The following LMF1 variants were observed in gnomAD, a reference collection of about 807,000 sequenced individuals.
The protein encoded by LMF1 is lipase maturation factor 1, also known as transmembrane protein 112.
LMF1 carries 68 observed loss-of-function variants against 60.6 expected under a neutral mutation model. That is an observed-to-expected ratio of 1.12 (90% CI 0.92 to 1.37). The LOEUF (loss-of-function observed/expected upper bound fraction) is 1.37. Among genes scored for constraint, LMF1 ranks in the 40% most tolerant of loss-of-function variants. The probability of loss-of-function intolerance (pLI) is 0.00; values close to 1 mark genes in which losing one functional copy is unlikely to be tolerated. For missense variants in LMF1, 948 were observed against 767.2 expected, an observed-to-expected ratio of 1.24 and a Z score of -2.78; for synonymous variants, 418 against 324.7, an observed-to-expected ratio of 1.29 and a Z score of -3.09.
At chr16:905,946 A>G (rs2070963182) in intron 4 of LMF1, among the ~76,000 whole-genome samples, 1 of 152,150 alleles carries the variant, frequency 6.6e-6, no homozygotes, top group African/African-American at 2.4e-5. Flanking sequence ...TGTGTGTCCT[A>G]AGAGACTTTT....
Position 927,088 on chromosome 16 carries a change from C to T in LMF1, c.514+7156G>A, listed in dbSNP as rs538630106. 3.4e-3 allele frequency among the ~76,000 whole-genome samples: 520 copies of T among 152,278 alleles called. 4 individuals carry two copies. Among genetic ancestry groups the T allele is most frequent in the Non-Finnish European group, 5.4e-3 (368 of 68,022 alleles). ...GCCCAGAGGCCTCCAGAGATGGAGC[C>T]GAGTCTGAGGGCAGCCTCTCCTTCT... On this transcript the variant is annotated intron_variant, in intron 3 of 10. Coordinates refer to ENST00000262301, the MANE Select transcript of LMF1 (RefSeq NM_022773.4).
At chr16:955,423 A>C (rs2072668886) in intron 1 of LMF1, among the ~76,000 whole-genome samples, 1 of 146,046 alleles carries the variant, frequency 6.8e-6, no homozygotes, top group African/African-American at 2.6e-5. Flanking sequence ...TAAGTGAACC[A>C]GACACGTTAC....
chr16:971,148 C>G (rs2073044901), upstream of LMF1: 7 of 648,128 alleles, frequency 1.1e-5, no homozygotes, highest in Non-Finnish European at 1.6e-5. Flanking sequence ...CAGCCGGCCC[C>G]GCCCACGCGC....
chr16:858,199 T>A (rs1596825978), intron 10 of LMF1, among the ~76,000 whole-genome samples: 1 of 2,716 alleles, frequency 3.7e-4, no homozygotes, highest in Admixed American at 2.9e-3. Context: ...GTGAGTGGTG[T>A]CTCGGGATGG....
intron 1 of LMF1, among the ~76,000 whole-genome samples, chr16:963,315 C>T (rs991748512): frequency 3.3e-5 from 5 of 152,118 alleles, no homozygotes; most frequent in East Asian, 3.9e-4. Flanking sequence ...GGCGGCCACA[C>T]GTGCAGGGAC....
At chr16:860,736 T>C (rs1446922105) in intron 10 of LMF1, among the ~76,000 whole-genome samples, 1 of 152,072 alleles carries the variant, frequency 6.6e-6, no homozygotes, top group Non-Finnish European at 1.5e-5. Flanking sequence ...ATTTTGTTTT[T>C]GTCCATGGAA....
At position 962,787 on chromosome 16, in the gene LMF1, TAG is replaced by T. The variant is rs1354282576; in HGVS notation, c.193+7999_193+8000del. ...GGAACAGGCACGGGTGGAAAAGCCA[TAG>T]AGTCTGCAGTTTCAGTTAATAGTTT... On this transcript the variant is annotated intron_variant, in intron 1 of 10. Transcript: ENST00000262301. The surrounding 1 kb of genome is among the most constrained non-coding windows in gnomAD (Gnocchi z 4.5). Among the ~76,000 whole-genome samples, 3 of 152,134 alleles carry T rather than the reference TAG, an allele frequency of 2.0e-5. No individual in the cohort carries two copies. The highest frequency in any genetic ancestry group is 6.5e-5 in the Admixed American group (1 of 15,276).
intron 1 of LMF1, chr16:979,894 C>T: frequency 5.1e-6 from 2 of 393,972 alleles, no homozygotes; most frequent in Non-Finnish European, 1.0e-5. Context: ...GCGCCCCAGG[C>T]GATGCTCTGA....
chr16:875,044 G>A (rs1410056046), intron 6 of LMF1, among the ~76,000 whole-genome samples: 3 of 152,164 alleles, frequency 2.0e-5, no homozygotes, highest in Non-Finnish European at 2.9e-5. Flanking sequence ...GCCAGGCCAC[G>A]CCGCAGAGCA....
chr16:976,972 G>T (rs999417745), intron 1 of LMF1: 13 of 453,716 alleles, frequency 2.9e-5, no homozygotes, highest in Non-Finnish European at 5.7e-5. Context: ...GGCTGGGCTG[G>T]AAATGCTCGT....
intron 3 of LMF1, among the ~76,000 whole-genome samples, chr16:917,183 G>A (rs1384312480): frequency 6.6e-6 from 1 of 152,206 alleles, no homozygotes; most frequent in Non-Finnish European, 1.5e-5. Context: ...ATGGGGGACG[G>A]GTCACCACCA....
intron 5 of LMF1, among the ~76,000 whole-genome samples, chr16:890,579 C>A (rs2070453551): frequency 6.6e-6 from 1 of 152,224 alleles, no homozygotes; most frequent in African/African-American, 2.4e-5. Flanking sequence ...CTCACACACC[C>A]TGCACTCCAG....
At chr16:948,403 G>A (rs1301412566) in intron 2 of LMF1, among the ~76,000 whole-genome samples, 3 of 149,296 alleles carry the variant, frequency 2.0e-5, no homozygotes, top group East Asian at 2.0e-4. Context: ...GTCAGCCAAC[G>A]ACAGAGTCAA....
At chr16:879,793 G>C (rs1596889147) in intron 5 of LMF1, 56 bp from the exon 6 acceptor site, 1 of 1,516,154 alleles carries the variant, frequency 6.6e-7, no homozygotes, top group South Asian at 1.2e-5. Context: ...GGCGGGGCTA[G>C]GGAGAGGCTT....
rs374551390 is a variant in LMF1, at chr16:976,937, G to A, written c.-135+4208C>T. The A allele has an allele frequency of 1.2e-4, 56 of 454,132 alleles. 2 individuals carry two copies. Among genetic ancestry groups the A allele is most frequent in the African/African-American group, 9.6e-4 (48 of 50,096 alleles). The allele number at this position is 454,132 out of a possible 1,614,324, so 28.1% of individuals were successfully genotyped here. A position where few individuals can be genotyped will look rare whatever the true frequency, so the allele number is the denominator to read the frequency against. On this transcript the variant is annotated intron_variant, in intron 1 of 6. Transcript: ENST00000570014. The stretch of plus-strand genomic sequence containing the variant: ...GATCAGGAGGCTCCCAGTGTGTCAG[G>A]GGAGTGCGAGGTGAAGATGGGGAGG...
At chr16:951,912 C>T (rs2072481335) in intron 2 of LMF1, among the ~76,000 whole-genome samples, 1 of 152,242 alleles carries the variant, frequency 6.6e-6, no homozygotes, top group African/African-American at 2.4e-5. Flanking sequence ...GGGGGAGGTG[C>T]GTCACAGGGC....
intron 3 of LMF1, among the ~76,000 whole-genome samples, chr16:927,161 G>A (rs953945559): frequency 2.0e-4 from 30 of 152,238 alleles, no homozygotes; most frequent in Non-Finnish European, 3.2e-4. Flanking sequence ...GGCAGAAGCT[G>A]CTCAAGAGCC....
chr16:910,805 G>A, intron 4 of LMF1, 126 bp downstream of exon 4: 2 of 1,237,650 alleles, frequency 1.6e-6, no homozygotes, highest in East Asian at 2.4e-5. Context: ...AGCTGGCCAG[G>A]CCAGGCCGAC....
At chr16:956,319 A>G in intron 1 of LMF1, among the ~76,000 whole-genome samples, 1 of 152,076 alleles carries the variant, frequency 6.6e-6, no homozygotes, top group African/African-American at 2.4e-5. Flanking sequence ...TCTGGACGTC[A>G]GTATTTGTAG....
Sources: gnomAD v4.1 joint callset for allele counts (sites outside exome capture counted in the v4.1 genomes callset) on GRCh38, gnomAD v4.1.1 for gene constraint, Gnocchi (gnomAD v3.1) non-coding constraint, MANE v1.5 for transcripts, NCBI Gene and HGNC (gene_info 2026-07-23, HGNC 2026-07-21) for gene names.